The following CHD2 variants were observed in gnomAD, a reference collection of about 807,000 sequenced individuals.
CHD2 encodes ATP-dependent chromatin remodeler CHD2.
In CHD2, 28 loss-of-function variants were observed where a neutral mutation model predicts 243.9. The ratio of observed to expected loss-of-function variants is 0.11; its 90% CI spans 0.09 to 0.16. The LOEUF is 0.16. Among genes scored for constraint, CHD2 ranks in the 10% least tolerant of loss-of-function variants. The pLI is 1.00. For synonymous variants in CHD2, 775 were observed against 779.0 expected, an observed-to-expected ratio of 0.99 and a Z score of 0.09; for missense variants, 1,386 against 2,209.8, an observed-to-expected ratio of 0.63 and a Z score of 7.47.
At chr15:92,991,735 C>T (rs1206813795) in intron 27 of CHD2, 3 of 417,578 alleles carry the variant, frequency 7.2e-6, no homozygotes, top group Non-Finnish European at 1.3e-5. Flanking sequence ...CATAAAAAGA[C>T]TTTCACCTTC....
intron 34 of CHD2, among the ~76,000 whole-genome samples, chr15:93,005,148 A>G (rs1171763255): frequency 2.0e-5 from 3 of 152,206 alleles, no homozygotes; most frequent in African/African-American, 4.8e-5. Flanking sequence ...TAGGGGAGTT[A>G]GATAACTACA....
At chr15:92,967,240 G>A in intron 16 of CHD2, 85 bp from the exon 17 acceptor site, 4 of 966,596 alleles carry the variant, frequency 4.1e-6, no homozygotes, top group Non-Finnish European at 6.0e-6. Flanking sequence ...TTTCCTTATG[G>A]GAAAGATTCA....
intron 38 of CHD2, 57 bp from the exon 39 acceptor site, chr15:93,024,315 G>A: frequency 6.7e-7 from 1 of 1,502,436 alleles, no homozygotes; most frequent in South Asian, 1.2e-5. Flanking sequence ...GTAGTGAAGA[G>A]AAGTGGATGG....
At position 92,967,581 on chromosome 15, in the gene CHD2, T is replaced by G. The variant is rs141410867; in HGVS notation, c.2189+68T>G. 12 of 1,051,536 alleles carry G rather than the reference T, an allele frequency of 1.1e-5. No individual in the cohort carries two copies. In the Admixed American group the frequency reaches 2.1e-4, roughly 18 times the overall value. The allele number at this position is 1,051,536 out of a possible 1,614,324, so 65.1% of individuals were successfully genotyped here. On this transcript the variant is annotated intron_variant, in intron 17 of 38. Coordinates refer to ENST00000394196, the MANE Select transcript of CHD2 (RefSeq NM_001271.4). ...TACCATGAAACTATTAGATAGGAGA[T>G]ATATATATATACTTTTGTTTTTTTT...
chr15:93,017,019 A>G (rs1018824359), intron 37 of CHD2, among the ~76,000 whole-genome samples: 3 of 152,176 alleles, frequency 2.0e-5, no homozygotes, highest in Admixed American at 6.5e-5. Context: ...AGGTTAATCA[A>G]TTTTTTTACC....
At position 93,027,767 on chromosome 15, in the gene CHD2, T is replaced by C. The variant is rs58542701; in HGVS notation, c.*3062T>C. On this transcript the variant is annotated 3_prime_UTR_variant, in exon 39 of 39. Coordinates refer to ENST00000394196, the MANE Select transcript of CHD2 (RefSeq NM_001271.4). ...GGTCCAGGCTGCTTTAGGCCATCTG[T>C]GCCCCACTCATCTGGGGACAGATGG... 0.013 allele frequency: 2,025 copies of C among 152,766 alleles called. 15 individuals carry two copies. The highest frequency in any genetic ancestry group is 0.021 in the East Asian group (108 of 5,182). 9.5% of individuals were successfully genotyped at this position (152,766 alleles called of 1,614,324 possible). A position where few individuals can be genotyped will look rare whatever the true frequency, so the allele number is the denominator to read the frequency against.
chr15:92,965,104 A>G (rs1487008420), intron 16 of CHD2: 2 of 152,222 alleles, frequency 1.3e-5, no homozygotes, highest in Non-Finnish European at 2.9e-5. Context: ...GTGAGAGACA[A>G]ATATTAAATA....
At position 93,002,140 on chromosome 15, in the gene CHD2, T is replaced by C. The variant is rs757635317; in HGVS notation, c.4138-37T>C. The C allele has an allele frequency of 1.9e-6, 3 of 1,568,522 alleles. No homozygotes were observed. In the South Asian group the frequency reaches 3.6e-5, roughly 19 times the overall value. On this transcript the variant is annotated intron_variant, in intron 32 of 38. Coordinates refer to ENST00000394196, the MANE Select transcript of CHD2 (RefSeq NM_001271.4). ...GAAAGTACATAAGTAGATATAAAAT[T>C]TGTAGCAAAAATTCATAGCCCTGTT...
At chr15:93,003,446 A>G (rs2054282469) in intron 33 of CHD2, among the ~76,000 whole-genome samples, 1 of 152,206 alleles carries the variant, frequency 6.6e-6, no homozygotes, top group African/African-American at 2.4e-5. Context: ...GTGCTCCCAC[A>G]GAAAGACATT....
chr15:92,919,456 G>A (rs545696861), intron 2 of CHD2, among the ~76,000 whole-genome samples: 3 of 151,882 alleles, frequency 2.0e-5, no homozygotes, highest in Admixed American at 1.3e-4. Context: ...GCAATGGCAC[G>A]ATTGCGGCTC....
At chr15:92,947,390 T>A (rs1375033307) in intron 12 of CHD2, 1 of 152,158 alleles carries the variant, frequency 6.6e-6, no homozygotes, top group Non-Finnish European at 1.5e-5. Context: ...AAGAGAAAGA[T>A]TCTTATAGTT....
Position 93,020,179 on chromosome 15 carries a change from A to G in CHD2, c.5074A>G (p.Asn1692Asp). ...CCACCGTTCCGGAAGCTATCGACCC[A>G]ACAACATGTCCAGAAAGAGGCCTTA... The part of the protein sequence containing the change: ...DAHRSGSYRP[N>D]NMSRKRPYDQ... Residue 1692 changes from asparagine to aspartate, a missense_variant, in exon 38 of 39, where the codon AAC becomes GAC. Asn to Asp is a conservative substitution (Grantham distance 23). Coordinates refer to ENST00000394196, the MANE Select transcript of CHD2 (RefSeq NM_001271.4). 1 of 1,614,158 alleles carries G rather than the reference A, an allele frequency of 6.2e-7. No homozygotes were observed. Among genetic ancestry groups the G allele is most frequent in the Non-Finnish European group, 8.5e-7 (1 of 1,180,024 alleles).
At chr15:92,958,156 A>G (rs1295932570) in intron 16 of CHD2, among the ~76,000 whole-genome samples, 11 of 152,206 alleles carry the variant, frequency 7.2e-5, no homozygotes. Flanking sequence ...TGGAAAGTTT[A>G]TGTTTAACAT....
intron 5 of CHD2, among the ~76,000 whole-genome samples, chr15:92,935,627 C>A (rs1245827608): frequency 2.0e-5 from 3 of 152,356 alleles, no homozygotes; most frequent in South Asian, 4.1e-4. Context: ...TAAGCCCCCT[C>A]TGAGGGGTAA....
intron 37 of CHD2, among the ~76,000 whole-genome samples, chr15:93,019,479 C>G (rs193130713): frequency 6.6e-6 from 1 of 152,102 alleles, no homozygotes; most frequent in African/African-American, 2.4e-5. Flanking sequence ...ATTACTGATA[C>G]GTTAGCCAGC....
At chr15:92,917,284 C>T (rs947468145) in intron 2 of CHD2, among the ~76,000 whole-genome samples, 3 of 152,130 alleles carry the variant, frequency 2.0e-5, no homozygotes, top group Non-Finnish European at 4.4e-5. Flanking sequence ...TGTGGCCAGG[C>T]GCAGTGGCTC....
intron 5 of CHD2, among the ~76,000 whole-genome samples, chr15:92,935,671 A>T (rs1195945208): frequency 6.6e-6 from 1 of 152,140 alleles, no homozygotes; most frequent in Admixed American, 6.5e-5. Context: ...GAGACTGCAG[A>T]CTCATGCTGG....
intron 16 of CHD2, among the ~76,000 whole-genome samples, chr15:92,964,326 C>A (rs996975248): frequency 6.6e-6 from 1 of 152,080 alleles, no homozygotes; most frequent in Non-Finnish European, 1.5e-5. Context: ...GAAAAGGAAA[C>A]CAATTAGTTA....
At chr15:93,024,249 C>T (rs2054566929) in intron 38 of CHD2, 123 bp from the exon 39 acceptor site, 1 of 827,408 alleles carries the variant, frequency 1.2e-6, no homozygotes, top group Non-Finnish European at 1.9e-6. Flanking sequence ...TTTTTTGATT[C>T]CTAATAATGT....
Sources: allele counts gnomAD v4.1 joint callset (sites outside exome capture counted in the v4.1 genomes callset), GRCh38; gene constraint gnomAD v4.1.1; transcripts MANE v1.5; gene names NCBI Gene and HGNC (gene_info 2026-07-23, HGNC 2026-07-21).